ZNF624: variants seen among roughly 807,000 people sequenced by gnomAD.
The protein encoded by ZNF624 is zinc finger protein 624.
A neutral mutation model predicts 74.7 loss-of-function variants in ZNF624; 43 were observed. The ratio of observed to expected loss-of-function variants is 0.58; its 90% confidence interval spans 0.45 to 0.74. The LOEUF is 0.74. Ranked by LOEUF, ZNF624 falls within the 30% of genes least tolerant of loss-of-function variation. The probability of loss-of-function intolerance (pLI) is 0.00; values close to 1 mark genes in which losing one functional copy is unlikely to be tolerated. For missense variants in ZNF624, 820 were observed against 1,030.0 expected, an observed-to-expected ratio of 0.80 and a Z score of 2.79; for synonymous variants, 331 against 341.3, an observed-to-expected ratio of 0.97 and a Z score of 0.33.
At chr17:16,620,017 C>A (rs1270172215), downstream of ZNF624, among the ~76,000 whole-genome samples, 2 of 152,188 alleles carry the variant, frequency 1.3e-5, no homozygotes, top group Non-Finnish European at 2.9e-5. Context: ...AAACTTCAAT[C>A]AAAAATGGCC....
At chr17:16,614,546 C>T in the ZNF624 span, among the ~76,000 whole-genome samples, 1 of 152,000 alleles carries the variant, frequency 6.6e-6, no homozygotes, top group East Asian at 1.9e-4. Flanking sequence ...AAAAATTTTC[C>T]CAGGTGCTAC....
intron 3 of ZNF624, 39 bp from the exon 4 acceptor site, chr17:16,634,795 A>G: frequency 6.4e-7 from 1 of 1,574,752 alleles, no homozygotes; most frequent in South Asian, 1.2e-5. Flanking sequence ...AAACTATACA[A>G]TTAGACTTGT....
downstream of ZNF624, chr17:16,617,925 G>C (rs1433343405): frequency 3.9e-6 from 5 of 1,287,582 alleles, no homozygotes; most frequent in Non-Finnish European, 4.4e-6. Flanking sequence ...TGGAACGGCG[G>C]ACCGCAAGCC....
chr17:16,627,258 C>G (rs1909095554), intron 5 of ZNF624, among the ~76,000 whole-genome samples: 1 of 152,084 alleles, frequency 6.6e-6, no homozygotes, highest in African/African-American at 2.4e-5. Flanking sequence ...TAGAAATTTT[C>G]TTCAATAAAT....
chr17:16,644,651 G>C (rs79912584), intron 3 of ZNF624, among the ~76,000 whole-genome samples: 4,425 of 152,216 alleles, frequency 0.029, 211 homozygotes, highest in African/African-American at 0.1. Context: ...GATAGAGTTC[G>C]AGAAAGTAAA....
At chr17:16,617,301 G>C (rs569560524), downstream of ZNF624, 1 of 1,613,710 alleles carries the variant, frequency 6.2e-7, no homozygotes, top group African/African-American at 1.3e-5. Context: ...ACCTGGATCT[G>C]CTTCCAGAGT....
chr17:16,637,383 A>C (rs1348827527), intron 3 of ZNF624, among the ~76,000 whole-genome samples: 1 of 152,198 alleles, frequency 6.6e-6, no homozygotes. Flanking sequence ...GTTCATATGG[A>C]GCCAAAAAAG....
chr17:16,649,642 G>C lies in ZNF624; in HGVS notation c.87+16C>G, dbSNP rs1391978589. 5 of 1,611,974 alleles carry C rather than the reference G, an allele frequency of 3.1e-6. No homozygotes were observed. Among genetic ancestry groups the C allele is most frequent in the Non-Finnish European group, 3.4e-6 (4 of 1,178,100 alleles). ...AAACCAAGATAGTAGGTCAAAAACAGGGAATCCCAACTTACCAGGCGTCCA... is the reference window on the plus strand; with the variant it reads ...AAACCAAGATAGTAGGTCAAAAACACGGAATCCCAACTTACCAGGCGTCCA... On this transcript the variant is annotated intron_variant, in intron 2 of 5. Coordinates refer to ENST00000311331, the MANE Select transcript of ZNF624 (RefSeq NM_020787.4).
chr17:16,635,738 A>G (rs1909313886), intron 3 of ZNF624, among the ~76,000 whole-genome samples: 1 of 152,178 alleles, frequency 6.6e-6, no homozygotes, highest in African/African-American at 2.4e-5. Context: ...GCAAATTAGC[A>G]TACTGACATC....
rs148427796 is a variant in ZNF624, at chr17:16,642,367, C to T, written c.153+4962G>A. ...AGAACTGACAGTCTAGGAATAAATC[C>T]CTACATTAATGGTCAGTTGATTTTT... is the stretch of plus-strand genomic sequence containing the variant. On this transcript the variant is annotated intron_variant, in intron 3 of 5. Coordinates refer to ENST00000311331, the MANE Select transcript of ZNF624 (RefSeq NM_020787.4). Among the ~76,000 whole-genome samples the T allele has an allele frequency of 9.9e-5, 15 of 152,184 alleles. No individual in the cohort carries two copies. The East Asian group carries it at 2.9e-3, about 29-fold the overall frequency.
At chr17:16,624,773 T>C in intron 5 of ZNF624, 1 of 261,232 alleles carries the variant, frequency 3.8e-6, no homozygotes, top group South Asian at 8.5e-5. Context: ...TCTCAGCACT[T>C]TGGGAGGCCA....
intron 1 of ZNF624, among the ~76,000 whole-genome samples, chr17:16,650,048 TA>T (rs1909684694): frequency 6.6e-6 from 1 of 152,196 alleles, no homozygotes; most frequent in Non-Finnish European, 1.5e-5. Context: ...AAACTGAACC[TA>T]AAAAAATTAA....
intron 3 of ZNF624, among the ~76,000 whole-genome samples, chr17:16,645,630 C>G (rs2142646843): frequency 7.2e-6 from 1 of 139,406 alleles, no homozygotes; most frequent in East Asian, 2.0e-4. Flanking sequence ...AAGGACTACG[C>G]TACAAAAAAA....
chr17:16,634,845 G>C, intron 3 of ZNF624, 89 bp from the exon 4 acceptor site: 1 of 1,265,580 alleles, frequency 7.9e-7, no homozygotes, highest in Non-Finnish European at 1.1e-6. Flanking sequence ...AAGAGCCCCA[G>C]AAACCAGAAT....
In ZNF624 at chr17:16,621,772, G is replaced by A. The variant is rs11869224; in HGVS notation, c.*516C>T. ...CTTAAAAACACATTTAGGATACTACGTATAACCTAGGGATTAAGGAGATCT... is the reference window on the plus strand; with the variant it reads ...CTTAAAAACACATTTAGGATACTACATATAACCTAGGGATTAAGGAGATCT... On this transcript the variant is annotated 3_prime_UTR_variant, in exon 6 of 6. Transcript: ENST00000311331. 0.053 allele frequency: 8,014 copies of A among 152,348 alleles called. 459 individuals are homozygous for A. The highest frequency in any genetic ancestry group is 0.13 in the South Asian group (645 of 4,814). 9.4% of individuals were successfully genotyped at this position (152,348 alleles called of 1,614,324 possible). A position where few individuals can be genotyped will look rare whatever the true frequency, so the allele number is the denominator to read the frequency against.
chr17:16,621,155 T>G lies in ZNF624; in HGVS notation c.*1133A>C, dbSNP rs1049408928. The G allele has an allele frequency of 6.6e-6, 1 of 152,236 alleles. No individual in the cohort carries two copies. Among genetic ancestry groups the G allele is most frequent in the African/African-American group, 2.4e-5 (1 of 41,462 alleles). The allele number at this position is 152,236 out of a possible 1,614,324, so 9.4% of individuals were successfully genotyped here. A position where few individuals can be genotyped will look rare whatever the true frequency, so the allele number is the denominator to read the frequency against. ...AAATGATATATTGTATATATACATTTGTTATAAAGCAATTATTTATCAATA... is the reference window on the plus strand; with the variant it reads ...AAATGATATATTGTATATATACATTGGTTATAAAGCAATTATTTATCAATA... On this transcript the variant is annotated 3_prime_UTR_variant, in exon 6 of 6. Coordinates refer to ENST00000311331, the MANE Select transcript of ZNF624 (RefSeq NM_020787.4).
At chr17:16,641,782 A>G (rs1402884176) in intron 3 of ZNF624, among the ~76,000 whole-genome samples, 1 of 152,248 alleles carries the variant, frequency 6.6e-6, no homozygotes, top group Non-Finnish European at 1.5e-5. Context: ...ATTTAGTTCT[A>G]TTAGAATAAC....
chr17:16,630,545 G>GA (rs770828285), intron 5 of ZNF624, among the ~76,000 whole-genome samples: 3 of 152,002 alleles, frequency 2.0e-5, no homozygotes, highest in Non-Finnish European at 4.4e-5. Flanking sequence ...CGACGAGAGT[G>GA]AAACTCAGTC....
At chr17:16,617,288 G>A (rs1162491282), downstream of ZNF624, 3 of 1,613,564 alleles carry the variant, frequency 1.9e-6, no homozygotes, top group Admixed American at 1.7e-5. Flanking sequence ...CTTCTAGATC[G>A]AGACCTGGAT....
Sources: gnomAD v4.1 joint callset for allele counts (sites outside exome capture counted in the v4.1 genomes callset) on GRCh38, gnomAD v4.1.1 for gene constraint, MANE v1.5 for transcripts, NCBI Gene and HGNC (gene_info 2026-07-23, HGNC 2026-07-21) for gene names.